BBS1: variants seen among roughly 807,000 people sequenced by gnomAD.
The protein encoded by BBS1 is BBSome complex member BBS1.
Under a neutral mutation model 73.9 loss-of-function variants are expected in BBS1, and 60 were observed. The observed-to-expected ratio is 0.81, with a 90% CI of 0.66 to 1.01. The LOEUF (loss-of-function observed/expected upper bound fraction) is 1.01, where lower values mean the gene tolerates loss of function less well. Among genes scored for constraint, BBS1 ranks in the 50% least tolerant of loss-of-function variants. The probability of loss-of-function intolerance (pLI) is 0.00; values close to 1 mark genes in which losing one functional copy is unlikely to be tolerated. For synonymous variants in BBS1, 283 were observed against 317.4 expected, an observed-to-expected ratio of 0.89 and a Z score of 1.15; for missense variants, 718 against 770.3, an observed-to-expected ratio of 0.93 and a Z score of 0.80.
At position 66,515,786 on chromosome 11, in the gene BBS1, C is replaced by T. The variant is rs2276406; in HGVS notation, c.518+55C>T. On this transcript the variant is annotated intron_variant, in intron 6 of 16. Transcript: ENST00000318312. ...GGAGGCTCCAGGGAGAGGAAGCAGC[C>T]GCCAGAATGTGCCAGAATGATGGAG... 0.23 allele frequency: 376,616 copies of T among 1,613,658 alleles called. 46,011 individuals are homozygous for T. Among genetic ancestry groups the T allele is most frequent in the East Asian group, 0.26 (11,733 of 44,850 alleles).
chr11:66,529,462 T>A, intron 13 of BBS1: 1 of 774,094 alleles, frequency 1.3e-6, no homozygotes, highest in Non-Finnish European at 2.2e-6. Context: ...TTTGTGGTGG[T>A]CAGAGCTGTG....
At chr11:66,521,158 A>T in intron 8 of BBS1, 112 bp from the exon 9 acceptor site, 1 of 811,678 alleles carries the variant, frequency 1.2e-6, no homozygotes, top group Non-Finnish European at 2.2e-6. Context: ...AACTGGGTGT[A>T]AGTGAGGAGA....
At chr11:66,521,773 C>T (rs935459688) in intron 9 of BBS1, among the ~76,000 whole-genome samples, 4 of 151,328 alleles carry the variant, frequency 2.6e-5, no homozygotes, top group South Asian at 2.1e-4. Context: ...GGCATGGTGG[C>T]GCATGCCTCT....
intron 3 of BBS1, 64 bp downstream of exon 3, chr11:66,511,303 C>T: frequency 6.3e-7 from 1 of 1,578,238 alleles, no homozygotes; most frequent in South Asian, 1.1e-5. Context: ...ATGAGATTTC[C>T]TGACGGCTGA....
At chr11:66,525,971 G>A (rs1479598056) in intron 11 of BBS1, 152 bp from the exon 12 acceptor site, 2 of 705,624 alleles carry the variant, frequency 2.8e-6, no homozygotes, top group East Asian at 5.5e-5. Context: ...GAGGGGAGAT[G>A]AGAAATATAG....
In BBS1 at chr11:66,523,591, A is replaced by G; in HGVS notation, c.951+15A>G. 1 of 1,614,056 alleles carries G rather than the reference A, an allele frequency of 6.2e-7. No individual in the cohort carries two copies. Among genetic ancestry groups the G allele is most frequent in the South Asian group, 1.1e-5 (1 of 91,080 alleles). ...TCACCCACAAGGTGCAGCCCCCAGC[A>G]AGCAGCAGCCCCTCCACGCCTATGT... On this transcript the variant is annotated intron_variant, in intron 10 of 16. Transcript: ENST00000318312.
In BBS1 at chr11:66,526,822, G is replaced by A; in HGVS notation, c.1339+15G>A. The A allele has an allele frequency of 6.2e-7, 1 of 1,614,214 alleles. No homozygotes were observed. The highest frequency in any genetic ancestry group is 8.5e-7 in the Non-Finnish European group (1 of 1,180,034). ...GGCTGGCACCGGTGAGCCTCAGACTGGGTCCTTTCCCTTCTTCCTCCTCCA... is the reference window on the plus strand; with the variant it reads ...GGCTGGCACCGGTGAGCCTCAGACTAGGTCCTTTCCCTTCTTCCTCCTCCA... On this transcript the variant is annotated intron_variant, in intron 13 of 16. Transcript: ENST00000318312.
intron 13 of BBS1, chr11:66,529,078 G>T (rs1856646401): frequency 1.0e-6 from 1 of 983,074 alleles, no homozygotes; most frequent in Non-Finnish European, 1.2e-6. Flanking sequence ...TAGAGAAAAA[G>T]CACATAAAAT....
At chr11:66,511,342 C>A (rs1855942631) in intron 3 of BBS1, 103 bp downstream of exon 3, 1 of 1,375,330 alleles carries the variant, frequency 7.3e-7, no homozygotes, top group Non-Finnish European at 1.0e-6. Flanking sequence ...CTGGAATTCA[C>A]ATATACTGTG....
intron 14 of BBS1, 106 bp downstream of exon 14, chr11:66,530,058 C>G: frequency 6.7e-7 from 1 of 1,481,656 alleles, no homozygotes; most frequent in Non-Finnish European, 9.1e-7. Context: ...TCCAAGCCAA[C>G]TCAGCCCGTG....
chr11:66,514,418 G>C lies in BBS1; in HGVS notation c.172G>C (p.Asp58His), dbSNP rs776917681. ...GDGEYKLVVG[D>H]LGPGGQQPRL... ...CCTCTCCCTGCAGCTGGTGGTAGGG[G>C]ACCTTGGCCCTGGTGGGCAGCAGCC... The change falls in exon 4 of 17, where the codon GAC (aspartate) becomes CAC (histidine). Residue 58 changes from aspartate (D) to histidine (H), a missense_variant. Physicochemically the swap from Asp to His is moderately conservative, Grantham distance 81. Coordinates refer to ENST00000318312, the MANE Select transcript of BBS1 (RefSeq NM_024649.5). The C allele has an allele frequency of 6.8e-6, 11 of 1,613,954 alleles. No individual in the cohort carries two copies. In the African/African-American group the frequency reaches 1.2e-4, roughly 18 times the overall value.
At chr11:66,529,727 C>T in intron 13 of BBS1, 92 bp from the exon 14 acceptor site, 6 of 1,516,272 alleles carry the variant, frequency 4.0e-6, no homozygotes, top group Non-Finnish European at 5.4e-6. Context: ...CTTGCACCCT[C>T]CCCACACCAA....
rs1253028314 is a variant in BBS1 at position 66,530,960 on chromosome 11, G to A, written c.1540G>A (p.Val514Ile). Residue 514 changes from valine to isoleucine, a missense_variant, in exon 15 of 17, where the codon GTC becomes ATC. Val to Ile is a conservative substitution (Grantham distance 29). Transcript: ENST00000318312. ...HLQNTSTTRPVLGLLVCFLYN... is the reference protein window; with the variant it reads ...HLQNTSTTRPILGLLVCFLYN... ...GCAGAACACCTCAACAACCCGTCCT[G>A]TCCTGGGGCTGCTGGTCTGCTTCCT... 3.1e-6 allele frequency: 5 copies of A among 1,614,112 alleles called. No homozygotes were observed. The East Asian group carries it at 8.9e-5, about 29-fold the overall frequency.
intron 3 of BBS1, among the ~76,000 whole-genome samples, chr11:66,513,141 G>A (rs1022418221): frequency 1.3e-5 from 2 of 151,616 alleles, no homozygotes; most frequent in Admixed American, 6.6e-5. Flanking sequence ...AAAGTATTAC[G>A]GGAGCGCCAA....
In BBS1 at chr11:66,526,729, C is replaced by T. The variant is rs1856520165; in HGVS notation, c.1261C>T (p.Gln421Ter). The change falls in exon 13 of 17, where the codon CAG (glutamine) becomes TAG (stop). Residue 421 changes from glutamine to a stop codon, truncating the protein, a stop_gained. Coordinates refer to ENST00000318312, the MANE Select transcript of BBS1 (RefSeq NM_024649.5). LOFTEE classifies it high-confidence loss of function. ...GGSEVGPPPA[Q>*]AMKLNVPRKT... ...AAGTGAGGTGGGTCCCCCACCAGCCCAGGCCATGAAACTCAATGTGCCCCG... is the reference window on the plus strand; with the variant it reads ...AAGTGAGGTGGGTCCCCCACCAGCCTAGGCCATGAAACTCAATGTGCCCCG... 1 of 1,614,216 alleles carries T rather than the reference C, an allele frequency of 6.2e-7. No individual in the cohort carries two copies. Among genetic ancestry groups the T allele is most frequent in the Non-Finnish European group, 8.5e-7 (1 of 1,180,044 alleles).
At position 66,514,664 on chromosome 11, in the gene BBS1, A is replaced by G; in HGVS notation, c.418A>G (p.Asn140Asp). 6.2e-7 allele frequency: 1 copy of G among 1,612,126 alleles called. No individual in the cohort carries two copies. The highest frequency in any genetic ancestry group is 8.5e-7 in the Non-Finnish European group (1 of 1,180,024). Reference protein sequence around the residue: ...PPNPLEQDLWNQAKEDRIDPL... With the variant: ...PPNPLEQDLWDQAKEDRIDPL... ...AAATCCTCTGGAACAAGACCTTTGGAACCAGGCCAAAGAGGTAAATAAATA... is the reference window on the plus strand; with the variant it reads ...AAATCCTCTGGAACAAGACCTTTGGGACCAGGCCAAAGAGGTAAATAAATA... The change falls in exon 4 of 17, where the codon AAC becomes GAC. Residue 140 changes from asparagine (N) to aspartate (D), a missense_variant. Coordinates refer to ENST00000318312, the MANE Select transcript of BBS1 (RefSeq NM_024649.5).
rs781014949 is a variant in BBS1 at position 66,529,850 on chromosome 11, C to T, written c.1371C>T (p.Tyr457=). 42 of 1,611,002 alleles carry T rather than the reference C, an allele frequency of 2.6e-5. No homozygotes were observed. The highest frequency in any genetic ancestry group is 3.5e-5 in the Non-Finnish European group (41 of 1,180,004). ...ACCGGGCCTTCCAGACAGACCTATACCTGCTGCGCCTACGTGCTGCCCGCG... is the reference window on the plus strand; with the variant it reads ...ACCGGGCCTTCCAGACAGACCTATATCTGCTGCGCCTACGTGCTGCCCGCG... ...AMHRAFQTDL[Y]LLRLRAARAY... Residue 457 remains tyrosine, a synonymous_variant, in exon 14 of 17, where the codon TAC becomes TAT. Transcript: ENST00000318312.
At chr11:66,522,346 T>A (rs559863302) in intron 9 of BBS1, among the ~76,000 whole-genome samples, 1 of 152,028 alleles carries the variant, frequency 6.6e-6, no homozygotes, top group Admixed American at 6.6e-5. Flanking sequence ...CTTTTTTTTT[T>A]TTTTATTTTG....
intron 7 of BBS1, among the ~76,000 whole-genome samples, chr11:66,518,757 CTTT>C (rs58220840): frequency 9.9e-5 from 13 of 131,598 alleles, no homozygotes; most frequent in Admixed American, 1.5e-4. Context: ...CAGCCCTTTT[CTTT>C]TTTTTTTTTT....
Sources: allele counts gnomAD v4.1 joint callset (sites outside exome capture counted in the v4.1 genomes callset), GRCh38; gene constraint gnomAD v4.1.1; transcripts MANE v1.5; gene names NCBI Gene and HGNC (gene_info 2026-07-23, HGNC 2026-07-21).